The following FAM135B variants were observed in gnomAD, a reference collection of about 807,000 sequenced individuals.
FAM135B encodes the protein protein FAM135B.
Under a neutral mutation model 127.7 loss-of-function variants are expected in FAM135B, and 43 were observed. The observed-to-expected ratio is 0.34, with a 90% confidence interval of 0.26 to 0.43. The LOEUF (loss-of-function observed/expected upper bound fraction) is 0.43. Ranked by LOEUF, FAM135B falls within the 20% of genes least tolerant of loss-of-function variation. FAM135B has a pLI of 1.00. For missense variants in FAM135B, 1,558 were observed against 1,725.6 expected (o/e 0.90, Z 1.72); for synonymous variants, 670 against 665.1 (o/e 1.01, Z -0.11).
chr8:138,422,094 C>G (rs1436965634), intron 1 of FAM135B, among the ~76,000 whole-genome samples: 1 of 152,104 alleles, frequency 6.6e-6, no homozygotes, highest in Non-Finnish European at 1.5e-5. Context: ...TGGACTCCCC[C>G]TTTCACCATA....
In FAM135B at chr8:138,417,306, C is replaced by A. The variant is rs535815839; in HGVS notation, c.-19-49304G>T. Among the ~76,000 whole-genome samples, 14 of 152,318 alleles carry A rather than the reference C, an allele frequency of 9.2e-5. No individual in the cohort carries two copies. The South Asian group carries it at 2.9e-3, about 32-fold the overall frequency. On this transcript the variant is annotated intron_variant, in intron 1 of 19. Transcript: ENST00000395297. Reference sequence around the variant, plus strand: ...CAGCCTCAGCTGCCCAGCCCAGGCACCTGCCAGTGGCCTGCACCATAGCTC... The same window carrying A: ...CAGCCTCAGCTGCCCAGCCCAGGCAACTGCCAGTGGCCTGCACCATAGCTC...
chr8:138,302,346 A>G (rs1825949154), intron 3 of FAM135B, among the ~76,000 whole-genome samples: 1 of 152,094 alleles, frequency 6.6e-6, no homozygotes, highest in South Asian at 2.1e-4. Flanking sequence ...CTCTGGATGC[A>G]TGCTTCAGGG....
intron 12 of FAM135B, among the ~76,000 whole-genome samples, chr8:138,167,389 T>A (rs1820033113): frequency 6.6e-6 from 1 of 151,988 alleles, no homozygotes; most frequent in South Asian, 2.1e-4. Flanking sequence ...AGAGATGGGG[T>A]TTCTCCATTT....
intron 9 of FAM135B, among the ~76,000 whole-genome samples, chr8:138,181,427 C>T (rs1055342138): frequency 4.6e-5 from 7 of 152,022 alleles, no homozygotes; most frequent in Non-Finnish European, 1.0e-4. Context: ...CGTGGCACAA[C>T]TGCTCCTGAA....
intron 1 of FAM135B, among the ~76,000 whole-genome samples, chr8:138,391,706 C>A (rs1832588014): frequency 6.7e-6 from 1 of 150,316 alleles, no homozygotes; most frequent in Non-Finnish European, 1.5e-5. Context: ...ACTAAGCATT[C>A]CCTCCATGTC....
chr8:138,445,887 T>C (rs1587473887), intron 1 of FAM135B, among the ~76,000 whole-genome samples: 1 of 152,164 alleles, frequency 6.6e-6, no homozygotes, highest in South Asian at 2.1e-4. Flanking sequence ...GATGACATAA[T>C]TGTATATCTA....
At chr8:138,413,568 A>G (rs2131416357) in intron 1 of FAM135B, among the ~76,000 whole-genome samples, 2 of 152,330 alleles carry the variant, frequency 1.3e-5, no homozygotes, top group East Asian at 3.9e-4. Flanking sequence ...TAGTATATTC[A>G]TCTAACACCT....
intron 4 of FAM135B, among the ~76,000 whole-genome samples, chr8:138,258,406 T>C (rs1329411717): frequency 6.6e-6 from 1 of 152,230 alleles, no homozygotes; most frequent in Non-Finnish European, 1.5e-5. Context: ...AACATTTTGC[T>C]GAATCCAAGT....
chr8:138,249,849 G>A (rs1821568887), intron 6 of FAM135B, among the ~76,000 whole-genome samples: 1 of 152,194 alleles, frequency 6.6e-6, no homozygotes, highest in Non-Finnish European at 1.5e-5. Context: ...TTGCACACGT[G>A]GAACTTTTGC....
chr8:138,387,111 T>C lies in FAM135B; in HGVS notation c.-19-19109A>G, dbSNP rs576545662. Among the ~76,000 whole-genome samples, 9 of 152,326 alleles carry C rather than the reference T, an allele frequency of 5.9e-5. No individual in the cohort carries two copies. The South Asian group carries it at 1.9e-3, about 32-fold the overall frequency. On this transcript the variant is annotated intron_variant, in intron 1 of 19. Transcript: ENST00000395297. ...ACATATGTATTCATATACAAAGTGT[T>C]ATTTGATATTTGGAAATTAAGGAAA...
rs140269607 is a variant in FAM135B, at chr8:138,152,713, C to T, written c.1762G>A (p.Asp588Asn). The change falls in exon 13 of 20, where the codon GAC becomes AAC. Residue 588 changes from aspartate to asparagine, a missense_variant. Around this residue, in one of 5 missense-constraint regions of FAM135B, gnomAD observed 923 missense variants for 865.3 expected, o/e 1.07. Transcript: ENST00000395297. ...ACCACTTTGCTTAGCCCAGTCCTGT[C>T]TAATCCATACTTATCTCTAGAGCTC... ...SRSSRDKYGL[D>N]RTGLSKVVVG... The T allele has an allele frequency of 6.9e-4, 1,115 of 1,614,188 alleles. 16 individuals carry two copies. The African/African-American group carries it at 0.014, about 20-fold the overall frequency.
intron 12 of FAM135B, among the ~76,000 whole-genome samples, chr8:138,167,406 G>A (rs1488616580): frequency 6.6e-6 from 1 of 152,162 alleles, no homozygotes; most frequent in Non-Finnish European, 1.5e-5. Context: ...ATTTTGGCCA[G>A]GCTGGTCTTG....
At chr8:138,444,562 A>C (rs1835995929) in intron 1 of FAM135B, among the ~76,000 whole-genome samples, 1 of 152,230 alleles carries the variant, frequency 6.6e-6, no homozygotes. Context: ...CTGGGTACAT[A>C]ATGAAATGAA....
chr8:138,227,816 C>T (rs1405973253), intron 7 of FAM135B, among the ~76,000 whole-genome samples: 3 of 140,456 alleles, frequency 2.1e-5, no homozygotes, highest in African/African-American at 7.9e-5. Flanking sequence ...TTTAAGTGTA[C>T]AATACAGTAT....
At chr8:138,189,725 T>C (rs767576233) in intron 9 of FAM135B, among the ~76,000 whole-genome samples, 3 of 152,162 alleles carry the variant, frequency 2.0e-5, no homozygotes, top group Admixed American at 6.5e-5. Flanking sequence ...AGTTTGCCCC[T>C]GCTGGTGCAG....
chr8:138,436,579 T>C (rs1835469240), intron 1 of FAM135B, among the ~76,000 whole-genome samples: 1 of 152,174 alleles, frequency 6.6e-6, no homozygotes, highest in South Asian at 2.1e-4. Context: ...AATCAAAGAC[T>C]CTAAGGCATC....
chr8:138,435,440 G>A (rs1835408883), intron 1 of FAM135B, among the ~76,000 whole-genome samples: 1 of 152,210 alleles, frequency 6.6e-6, no homozygotes. Context: ...GAAAGCTGAA[G>A]TTCTGAATGT....
At chr8:138,367,186 GT>G in intron 2 of FAM135B, 1 of 326,470 alleles carries the variant, frequency 3.1e-6, no homozygotes, top group Non-Finnish European at 6.0e-6. Flanking sequence ...AATTTGCGCT[GT>G]TAATTGGACA....
At chr8:138,264,685 G>T (rs191315416) in intron 4 of FAM135B, among the ~76,000 whole-genome samples, 1 of 152,144 alleles carries the variant, frequency 6.6e-6, no homozygotes, top group Non-Finnish European at 1.5e-5. Context: ...ATTTTTGAAA[G>T]AATAGATAGG....
Sources: gnomAD v4.1 joint callset for allele counts (sites outside exome capture counted in the v4.1 genomes callset) on GRCh38, gnomAD v4.1.1 for gene constraint, gnomAD v4.1.1 regional missense constraint, MANE v1.5 for transcripts, NCBI Gene and HGNC (gene_info 2026-07-23, HGNC 2026-07-21) for gene names.